The following CNTNAP2 variants were observed in gnomAD, a reference collection of about 807,000 sequenced individuals.
CNTNAP2 encodes the protein contactin associated protein 2, also known as contactin-associated protein-like 2.
In CNTNAP2, 98 loss-of-function variants were observed where a neutral mutation model predicts 155.2. The observed-to-expected ratio is 0.63, with a 90% CI of 0.54 to 0.75. The LOEUF (loss-of-function observed/expected upper bound fraction) is 0.75. Among genes scored for constraint, CNTNAP2 ranks in the 30% least tolerant of loss-of-function variants. The pLI, the probability that CNTNAP2 is intolerant of heterozygous loss-of-function variation, is 0.00. For missense variants in CNTNAP2, 1,727 were observed against 1,688.1 expected (o/e 1.02, Z -0.40); for synonymous variants, 651 against 631.2 (o/e 1.03, Z -0.47).
intron 15 of CNTNAP2, among the ~76,000 whole-genome samples, chr7:148,038,272 T>C (rs1311273287): frequency 6.6e-6 from 1 of 152,210 alleles, no homozygotes; most frequent in Non-Finnish European, 1.5e-5. Context: ...CAACCCCAGA[T>C]GCTAATCACT....
In CNTNAP2 at chr7:148,307,492, T is replaced by C. The variant is rs528976310; in HGVS notation, c.3475+40366T>C. On this transcript the variant is annotated intron_variant, in intron 21 of 23. Transcript: ENST00000361727. ...GCCACTTAAGATGGTTCTGCTGTTT[T>C]TCAGCTCTAAAAAGGTTGTTATCAT... Among the ~76,000 whole-genome samples, 6 of 152,330 alleles carry C rather than the reference T, an allele frequency of 3.9e-5. No individual in the cohort carries two copies. In the East Asian group the frequency reaches 1.2e-3, roughly 29 times the overall value.
intron 12 of CNTNAP2, among the ~76,000 whole-genome samples, chr7:147,579,860 T>C (rs1157782740): frequency 3.3e-5 from 5 of 152,162 alleles, no homozygotes; most frequent in African/African-American, 1.2e-4. Context: ...ACTTGGGAAA[T>C]TCTGGCTTAA....
intron 8 of CNTNAP2, among the ~76,000 whole-genome samples, chr7:147,222,601 C>T (rs1803428930): frequency 6.6e-6 from 1 of 152,086 alleles, no homozygotes; most frequent in African/African-American, 2.4e-5. Flanking sequence ...GCCCTTCAAA[C>T]TGTTTTTTGT....
At chr7:147,359,327 C>A (rs1796111398) in intron 9 of CNTNAP2, among the ~76,000 whole-genome samples, 1 of 152,114 alleles carries the variant, frequency 6.6e-6, no homozygotes, top group Admixed American at 6.5e-5. Flanking sequence ...TACCTGCTGT[C>A]CCGAGCCCCT....
intron 1 of CNTNAP2, among the ~76,000 whole-genome samples, chr7:146,454,328 G>T (rs1208812569): frequency 6.6e-6 from 1 of 152,134 alleles, no homozygotes; most frequent in East Asian, 1.9e-4. Flanking sequence ...GAAGGTAGGT[G>T]ACATATAACA....
chr7:147,417,426 T>G (rs540085961), intron 10 of CNTNAP2, among the ~76,000 whole-genome samples: 13 of 152,250 alleles, frequency 8.5e-5, no homozygotes, highest in African/African-American at 3.1e-4. Flanking sequence ...AATTTCTTTT[T>G]TTAAATAACA....
intron 21 of CNTNAP2, among the ~76,000 whole-genome samples, chr7:148,371,654 A>C (rs1206823517): frequency 6.6e-6 from 1 of 152,230 alleles, no homozygotes; most frequent in African/African-American, 2.4e-5. Context: ...ACTCTCATGC[A>C]TCACTGAACG....
intron 21 of CNTNAP2, among the ~76,000 whole-genome samples, chr7:148,269,885 T>C (rs140114020): frequency 8.8e-4 from 134 of 152,340 alleles, no homozygotes; most frequent in African/African-American, 3.1e-3. Flanking sequence ...CAGAACCATA[T>C]GATTCCATCA....
At chr7:147,051,976 C>G (rs1439529996) in intron 4 of CNTNAP2, among the ~76,000 whole-genome samples, 1 of 152,024 alleles carries the variant, frequency 6.6e-6, no homozygotes, top group African/African-American at 2.4e-5. Flanking sequence ...GTTTTATGCT[C>G]CAAATATGAA....
chr7:146,443,536 A>G (rs975015334), intron 1 of CNTNAP2, among the ~76,000 whole-genome samples: 1 of 152,196 alleles, frequency 6.6e-6, no homozygotes, highest in Non-Finnish European at 1.5e-5. Flanking sequence ...TGCTCCCAGT[A>G]TTTGCATTAA....
rs1291241094 is a variant in CNTNAP2, at chr7:147,120,994, G to A, written c.770G>A (p.Gly257Asp). 1.9e-6 allele frequency: 3 copies of A among 1,613,616 alleles called. No individual in the cohort carries two copies. Among genetic ancestry groups the A allele is most frequent in the Non-Finnish European group, 2.5e-6 (3 of 1,179,926 alleles). The change falls in exon 6 of 24, where the codon GGC (glycine) becomes GAC (aspartate). Residue 257 changes from glycine (G) to aspartate (D), a missense_variant. Physicochemically the swap from Gly to Asp is moderately conservative, Grantham distance 94 (BLOSUM62 -1). Coordinates refer to ENST00000361727, the MANE Select transcript of CNTNAP2 (RefSeq NM_014141.6). ...GTGTACGCAGGAAGCAACCAGCTTG[G>A]CCCCATATATGGCCACACATCAGTG... ...LSLNLGSNQL[G>D]PIYGHTSVMT...
Position 147,869,914 on chromosome 7 carries a change from A to T in CNTNAP2, c.2099-33651A>T, listed in dbSNP as rs1259799577. ...TCTTGATCTTCTTTTATTTTTTAAG[A>T]TCATCCAGTAAGTATGTATTCAGCA... On this transcript the variant is annotated intron_variant, in intron 13 of 23. Transcript: ENST00000361727. Among the ~76,000 whole-genome samples, 4 of 152,274 alleles carry T rather than the reference A, an allele frequency of 2.6e-5. 1 individual carries two copies. Among genetic ancestry groups the T allele is most frequent in the South Asian group, 4.1e-4 (2 of 4,826 alleles).
At chr7:146,848,958 A>G (rs1249049823) in intron 3 of CNTNAP2, among the ~76,000 whole-genome samples, 1 of 151,986 alleles carries the variant, frequency 6.6e-6, no homozygotes, top group Admixed American at 6.6e-5. Flanking sequence ...TTTTTAGTAG[A>G]GACGTAGAGA....
At chr7:147,634,650 TA>T (rs1210237835) in intron 12 of CNTNAP2, among the ~76,000 whole-genome samples, 6 of 152,186 alleles carry the variant, frequency 3.9e-5, no homozygotes, top group Non-Finnish European at 8.8e-5. Context: ...CAAGACGCTG[TA>T]AAAATTTTTA....
intron 13 of CNTNAP2, among the ~76,000 whole-genome samples, chr7:147,839,024 G>A (rs528328247): frequency 2.0e-5 from 3 of 152,304 alleles, no homozygotes; most frequent in South Asian, 4.1e-4. Context: ...GAGGGGCAAG[G>A]AAGCAAGTCC....
chr7:146,754,171 C>A (rs1242346701), intron 1 of CNTNAP2, among the ~76,000 whole-genome samples: 3 of 151,932 alleles, frequency 2.0e-5, no homozygotes, highest in African/African-American at 7.2e-5. Flanking sequence ...ATGAAAGTTG[C>A]ATTCAGACTC....
chr7:147,419,432 T>C (rs1411388916), intron 10 of CNTNAP2, among the ~76,000 whole-genome samples: 1 of 152,188 alleles, frequency 6.6e-6, no homozygotes, highest in Non-Finnish European at 1.5e-5. Flanking sequence ...GTTCTTGATA[T>C]TTATTTGGAA....
intron 1 of CNTNAP2, among the ~76,000 whole-genome samples, chr7:146,288,333 G>A (rs1800371832): frequency 6.6e-6 from 1 of 151,304 alleles, no homozygotes; most frequent in Middle Eastern, 3.2e-3. Context: ...TGTTTTCTTG[G>A]TTTGACCTTT....
intron 21 of CNTNAP2, among the ~76,000 whole-genome samples, chr7:148,279,091 G>A (rs73462282): frequency 0.062 from 9,432 of 152,268 alleles, 475 homozygotes; most frequent in African/African-American, 0.14. Context: ...AGACCATCAT[G>A]GAGAGTCTGC....
Sources: gnomAD v4.1 joint callset for allele counts (sites outside exome capture counted in the v4.1 genomes callset) on GRCh38, gnomAD v4.1.1 for gene constraint, MANE v1.5 for transcripts, NCBI Gene and HGNC (gene_info 2026-07-23, HGNC 2026-07-21) for gene names.